The following NUBPL variants were observed in gnomAD, a reference collection of about 807,000 sequenced individuals.
NUBPL encodes the protein NUBP iron-sulfur cluster assembly factor, mitochondrial.
A neutral mutation model predicts 45.7 loss-of-function variants in NUBPL; 31 were observed. That is an observed-to-expected ratio of 0.68 (90% CI 0.51 to 0.92). NUBPL has a LOEUF of 0.92. Among genes scored for constraint, NUBPL ranks in the 40% least tolerant of loss-of-function variants. The pLI is 0.00. For missense variants in NUBPL, 401 were observed against 398.7 expected (o/e 1.01, Z -0.05); for synonymous variants, 144 against 140.9 (o/e 1.02, Z -0.15).
chr14:31,829,403 A>C (rs1265436955), intron 8 of NUBPL, among the ~76,000 whole-genome samples: 1 of 152,182 alleles, frequency 6.6e-6, no homozygotes, highest in Non-Finnish European at 1.5e-5. Flanking sequence ...TGAATGAGTG[A>C]GAACTTTCCA....
At chr14:31,775,281 A>G (rs921053067) in intron 6 of NUBPL, among the ~76,000 whole-genome samples, 1 of 152,096 alleles carries the variant, frequency 6.6e-6, no homozygotes, top group African/African-American at 2.4e-5. Context: ...AGTTAGGCAT[A>G]GTGGCACATG....
At chr14:31,719,550 A>G (rs2037763778) in intron 6 of NUBPL, among the ~76,000 whole-genome samples, 1 of 152,148 alleles carries the variant, frequency 6.6e-6, no homozygotes, top group Non-Finnish European at 1.5e-5. Flanking sequence ...AAAGAACTGC[A>G]CTAGACTTGG....
intron 3 of NUBPL, among the ~76,000 whole-genome samples, chr14:31,582,304 A>G (rs1358374654): frequency 6.6e-6 from 1 of 151,656 alleles, no homozygotes; most frequent in Non-Finnish European, 1.5e-5. Context: ...TGAATGGAGT[A>G]TTCTAGTGAG....
At chr14:31,663,845 A>T (rs1011275153) in intron 4 of NUBPL, among the ~76,000 whole-genome samples, 1 of 152,224 alleles carries the variant, frequency 6.6e-6, no homozygotes, top group African/African-American at 2.4e-5. Flanking sequence ...GGCCATTTTC[A>T]CAATATTGAA....
intron 6 of NUBPL, among the ~76,000 whole-genome samples, chr14:31,711,453 G>A (rs1256697083): frequency 2.0e-5 from 3 of 152,064 alleles, no homozygotes; most frequent in Admixed American, 6.6e-5. Flanking sequence ...GGTACTCACC[G>A]CTCGGCGATA....
chr14:31,852,341 C>T (rs79590487), intron 10 of NUBPL, among the ~76,000 whole-genome samples: 15,021 of 152,190 alleles, frequency 0.099, 943 homozygotes, highest in Non-Finnish European at 0.14. Context: ...GTGTCCTTGA[C>T]GTGGTATCAA....
chr14:31,587,283 C>T (rs565318469), intron 3 of NUBPL, among the ~76,000 whole-genome samples: 1 of 152,252 alleles, frequency 6.6e-6, no homozygotes, highest in African/African-American at 2.4e-5. Flanking sequence ...CAACTCTTCA[C>T]TTATTAACTG....
chr14:31,605,826 T>C (rs2034574450), intron 4 of NUBPL, among the ~76,000 whole-genome samples: 1 of 146,162 alleles, frequency 6.8e-6, no homozygotes, highest in Non-Finnish European at 1.5e-5. Context: ...TTCTCCTTTC[T>C]CGTCTCCTCC....
chr14:31,758,978 A>G (rs926530756), intron 6 of NUBPL, among the ~76,000 whole-genome samples: 2 of 152,116 alleles, frequency 1.3e-5, no homozygotes, highest in African/African-American at 2.4e-5. Flanking sequence ...TACCATAGCC[A>G]GGTGGACGGT....
At position 31,579,056 on chromosome 14, in the gene NUBPL, A is replaced by G. The variant is rs1398733396; in HGVS notation, c.291+14008A>G. 4.6e-5 allele frequency among the ~76,000 whole-genome samples: 7 copies of G among 152,150 alleles called. 1 individual carries two copies. The highest frequency in any genetic ancestry group is 1.0e-4 in the Non-Finnish European group (7 of 68,024). On this transcript the variant is annotated intron_variant, in intron 3 of 10. Coordinates refer to ENST00000281081, the MANE Select transcript of NUBPL (RefSeq NM_025152.3). The stretch of plus-strand genomic sequence containing the variant: ...GGAAGTCTAGGTTCCCTGCATGGCT[A>G]TAGGGTTGCTGTTTCACTTTTTTCT...
chr14:31,706,394 T>C (rs562491888), intron 6 of NUBPL, among the ~76,000 whole-genome samples: 6 of 152,246 alleles, frequency 3.9e-5, no homozygotes, highest in African/African-American at 1.2e-4. Flanking sequence ...TGGCCTCAAT[T>C]CTAGAGGAAA....
In NUBPL at chr14:31,829,263, C is replaced by CT. The variant is rs371804995; in HGVS notation, c.693+2560dup. Among the ~76,000 whole-genome samples the CT allele has an allele frequency of 8.9e-4, 131 of 147,194 alleles. 1 individual carries two copies. The highest frequency in any genetic ancestry group is 2.1e-3 in the South Asian group (10 of 4,652). On this transcript the variant is annotated intron_variant, in intron 8 of 10. Coordinates refer to ENST00000281081, the MANE Select transcript of NUBPL (RefSeq NM_025152.3). ...CTTCCTGTATCTTTATTACAGCTCT[C>CT]TTTTTTTTTTTCCACCCTACATTTA...
intron 6 of NUBPL, among the ~76,000 whole-genome samples, chr14:31,773,575 T>C (rs2039047580): frequency 6.6e-6 from 1 of 152,208 alleles, no homozygotes; most frequent in Non-Finnish European, 1.5e-5. Context: ...ATAACGATCC[T>C]AGGAGCTTGG....
chr14:31,789,621 A>G (rs2039343132), intron 7 of NUBPL, among the ~76,000 whole-genome samples: 1 of 152,136 alleles, frequency 6.6e-6, no homozygotes, highest in South Asian at 2.1e-4. Context: ...CTGGGAAAAT[A>G]ATGGAATTTT....
At chr14:31,774,412 C>T (rs1052191356) in intron 6 of NUBPL, among the ~76,000 whole-genome samples, 1 of 152,170 alleles carries the variant, frequency 6.6e-6, no homozygotes, top group Non-Finnish European at 1.5e-5. Flanking sequence ...TCATTGGACC[C>T]TTTCTGTTCA....
intron 3 of NUBPL, among the ~76,000 whole-genome samples, chr14:31,577,716 G>A (rs1206264429): frequency 6.6e-6 from 1 of 152,108 alleles, no homozygotes; most frequent in Non-Finnish European, 1.5e-5. Context: ...CTGGCTGCTT[G>A]GCTTAGTTCT....
At chr14:31,779,447 A>T (rs2039154159) in intron 6 of NUBPL, among the ~76,000 whole-genome samples, 1 of 152,212 alleles carries the variant, frequency 6.6e-6, no homozygotes. Flanking sequence ...AGTGAGAGGT[A>T]GCCCCATAAC....
chr14:31,623,690 A>G (rs370201633), intron 4 of NUBPL, among the ~76,000 whole-genome samples: 7 of 152,190 alleles, frequency 4.6e-5, no homozygotes, highest in Admixed American at 2.0e-4. Context: ...CTATGAGTCA[A>G]TTAAACCTCT....
intron 7 of NUBPL, among the ~76,000 whole-genome samples, chr14:31,805,318 G>A (rs2039664864): frequency 6.6e-6 from 1 of 152,240 alleles, no homozygotes; most frequent in Admixed American, 6.5e-5. Flanking sequence ...CTGTTGGTGA[G>A]AGTGTAAATT....
Sources: allele counts gnomAD v4.1 joint callset (sites outside exome capture counted in the v4.1 genomes callset), GRCh38; gene constraint gnomAD v4.1.1; transcripts MANE v1.5; gene names NCBI Gene and HGNC (gene_info 2026-07-23, HGNC 2026-07-21).